Variants in EIF5AL1 observed in about 807,000 individuals in gnomAD.
The protein encoded by EIF5AL1 is eukaryotic translation initiation factor 5A-1-like.
In EIF5AL1, 4 loss-of-function variants were observed where a neutral mutation model predicts 9.0. That is an observed-to-expected ratio of 0.45 (90% CI 0.22 to 1.02). The LOEUF (loss-of-function observed/expected upper bound fraction) is 1.02. Among genes scored for constraint, EIF5AL1 ranks in the 50% least tolerant of loss-of-function variants. EIF5AL1 has a pLI of 0.24. For synonymous variants in EIF5AL1, 40 were observed against 75.7 expected (o/e 0.53, Z 2.45); for missense variants, 58 against 194.1 (o/e 0.30, Z 4.17).
In EIF5AL1 at chr10:79,512,542, G is replaced by A. The variant is rs1858161668; in HGVS notation, c.-108G>A. 2.0e-6 allele frequency: 2 copies of A among 1,020,956 alleles called. No homozygotes were observed. The highest frequency in any genetic ancestry group is 1.4e-5 in the South Asian group (1 of 71,548). The allele number at this position is 1,020,956 out of a possible 1,614,324, so 63.2% of individuals were successfully genotyped here. A position where few individuals can be genotyped will look rare whatever the true frequency, so the allele number is the denominator to read the frequency against. ...ACGTGTAAAATGCCTGGGTAGAGGC[G>A]GCGGCGGCGGCGGCGGCGGCGGGCT... On this transcript the variant is annotated 5_prime_UTR_variant, in exon 1 of 1. Transcript: ENST00000520547.
Position 79,516,337 on chromosome 10 carries a change from A to G in EIF5AL1, c.*3223A>G, listed in dbSNP as rs1858232695. 2 of 167,110 alleles carry G rather than the reference A, an allele frequency of 1.2e-5. No individual in the cohort carries two copies. The highest frequency in any genetic ancestry group is 2.4e-5 in the African/African-American group (1 of 41,444). The allele number at this position is 167,110 out of a possible 1,614,324, so 10.4% of individuals were successfully genotyped here. On this transcript the variant is annotated 3_prime_UTR_variant, in exon 1 of 1. Transcript: ENST00000520547. ...GTGCCTAGATATCTTCAGAACTTAT[A>G]TATTTTCTGTTTTCTACGTATGTTG... is the stretch of plus-strand genomic sequence containing the variant.
chr10:79,513,366 A>C lies in EIF5AL1; in HGVS notation c.*252A>C. The C allele has an allele frequency of 5.2e-6, 3 of 578,374 alleles. No individual in the cohort carries two copies. The highest frequency in any genetic ancestry group is 3.2e-6 in the Non-Finnish European group (1 of 316,862). 35.8% of individuals were successfully genotyped at this position (578,374 alleles called of 1,614,324 possible). On this transcript the variant is annotated 3_prime_UTR_variant, in exon 1 of 1. Transcript: ENST00000520547. The stretch of plus-strand genomic sequence containing the variant: ...TGCCCTCCTCTTCTCCCCTCACACT[A>C]CAGCCCTGGTGGGGGAGAAGGGGGT...
rs979664023 is a variant in EIF5AL1 at position 79,515,862 on chromosome 10, T to C, written c.*2748T>C. ...ATGAAATAACATCTTTAAAGTTCTG[T>C]GTAGAATGTTTTTTTTCTGATTTCT... On this transcript the variant is annotated 3_prime_UTR_variant, in exon 1 of 1. Coordinates refer to ENST00000520547, the MANE Select transcript of EIF5AL1 (RefSeq NM_001099692.2). 1.3e-5 allele frequency: 2 copies of C among 156,166 alleles called. No homozygotes were observed. The highest frequency in any genetic ancestry group is 5.5e-5 in the African/African-American group (2 of 36,474). 9.7% of individuals were successfully genotyped at this position (156,166 alleles called of 1,614,324 possible).
Position 79,515,870 on chromosome 10 carries a change from G to GC in EIF5AL1, c.*2756_*2757insC, listed in dbSNP as rs1554847600. 4.2e-5 allele frequency: 7 copies of GC among 166,474 alleles called. No individual in the cohort carries two copies. Among genetic ancestry groups the GC allele is most frequent in the African/African-American group, 1.5e-4 (6 of 41,280 alleles). The allele number at this position is 166,474 out of a possible 1,614,324, so 10.3% of individuals were successfully genotyped here. On this transcript the variant is annotated 3_prime_UTR_variant, in exon 1 of 1. Coordinates refer to ENST00000520547, the MANE Select transcript of EIF5AL1 (RefSeq NM_001099692.2). Reference sequence around the variant, plus strand: ...ACATCTTTAAAGTTCTGTGTAGAATGTTTTTTTTCTGATTTCTTCACATAC... The same window carrying GC: ...ACATCTTTAAAGTTCTGTGTAGAATGCTTTTTTTTCTGATTTCTTCACATAC...
Position 79,512,944 on chromosome 10 carries a change from C to A in EIF5AL1, c.295C>A (p.Leu99Ile), listed in dbSNP as rs1858172696. 1 of 1,613,746 alleles carries A rather than the reference C, an allele frequency of 6.2e-7. No homozygotes were observed. Among genetic ancestry groups the A allele is most frequent in the Admixed American group, 1.7e-5 (1 of 59,976 alleles). Residue 99 changes from leucine (L) to isoleucine (I), a missense_variant, in exon 1 of 1, where the codon CTA becomes ATA. Physicochemically the swap from Leu to Ile is conservative, Grantham distance 5 (BLOSUM62 2). Coordinates refer to ENST00000520547, the MANE Select transcript of EIF5AL1 (RefSeq NM_001099692.2). The stretch of plus-strand genomic sequence containing the variant: ...GCTGATTGGCATCCAGGATGGGTAC[C>A]TATCACTGCTCCAGGACAGCGGGGA... The part of the protein sequence containing the change: ...FQLIGIQDGY[L>I]SLLQDSGEVP...
rs1858213078 is a variant in EIF5AL1, at chr10:79,515,126, A to G, written c.*2012A>G. 3.9e-6 allele frequency: 1 copy of G among 259,232 alleles called. No individual in the cohort carries two copies. The highest frequency in any genetic ancestry group is 8.1e-6 in the Non-Finnish European group (1 of 124,218). The allele number at this position is 259,232 out of a possible 1,614,324, so 16.1% of individuals were successfully genotyped here. On this transcript the variant is annotated 3_prime_UTR_variant, in exon 1 of 1. Transcript: ENST00000520547. ...CATTTTAATTCCTGCAAAGGATAAA[A>G]TCCTTCTATTTGTGTGCATATAAGT...
rs1858221888 is a variant in EIF5AL1, at chr10:79,515,716, T to C, written c.*2602T>C. The C allele has an allele frequency of 6.0e-6, 1 of 167,146 alleles. No homozygotes were observed. The highest frequency in any genetic ancestry group is 6.5e-5 in the Admixed American group (1 of 15,282). The allele number at this position is 167,146 out of a possible 1,614,324, so 10.4% of individuals were successfully genotyped here. On this transcript the variant is annotated 3_prime_UTR_variant, in exon 1 of 1. Transcript: ENST00000520547. ...CTGAATTCCCACAAAGAATTCCATA[T>C]AGACTGCATATGAGTTGAATCTTCT...
chr10:79,513,578 T>C lies in EIF5AL1; in HGVS notation c.*464T>C, dbSNP rs1370524280. The C allele has an allele frequency of 5.1e-6, 1 of 194,770 alleles. No individual in the cohort carries two copies. The highest frequency in any genetic ancestry group is 2.4e-5 in the African/African-American group (1 of 41,912). 12.1% of individuals were successfully genotyped at this position (194,770 alleles called of 1,614,324 possible). A position where few individuals can be genotyped will look rare whatever the true frequency, so the allele number is the denominator to read the frequency against. On this transcript the variant is annotated 3_prime_UTR_variant, in exon 1 of 1. Transcript: ENST00000520547. ...GGACCAGCCCCCTCGCCTGCCTGTG[T>C]CTCTCCCCAAACCCCTTTAGATGGG... is the stretch of plus-strand genomic sequence containing the variant.
chr10:79,512,866 T>C lies in EIF5AL1; in HGVS notation c.217T>C (p.Cys73Arg). The change falls in exon 1 of 1, where the codon TGC becomes CGC. Residue 73 changes from cysteine (C) to arginine (R), a missense_variant. Cys to Arg is a radical substitution (Grantham distance 180). Transcript: ENST00000520547. ...IFTGKKYEDI[C>R]PSTHNMDVPN... Reference sequence around the variant, plus strand: ...TACTGGGAAGAAATATGAAGATATCTGCCCGTCAACTCATAATATGGATGT... The same window carrying C: ...TACTGGGAAGAAATATGAAGATATCCGCCCGTCAACTCATAATATGGATGT... 6.2e-7 allele frequency: 1 copy of C among 1,613,778 alleles called. No homozygotes were observed. The highest frequency in any genetic ancestry group is 8.5e-7 in the Non-Finnish European group (1 of 1,179,930).
In EIF5AL1 at chr10:79,514,998, C is replaced by T. The variant is rs1304057702; in HGVS notation, c.*1884C>T. On this transcript the variant is annotated 3_prime_UTR_variant, in exon 1 of 1. Coordinates refer to ENST00000520547, the MANE Select transcript of EIF5AL1 (RefSeq NM_001099692.2). ...TCTTCCTCGGCAGTCTTTCTTTGCC[C>T]AGAGATTTCGCAATGACTGTTGACC... 3.2e-5 allele frequency: 6 copies of T among 187,870 alleles called. No individual in the cohort carries two copies. Among genetic ancestry groups the T allele is most frequent in the African/African-American group, 1.4e-4 (6 of 41,490 alleles). The allele number at this position is 187,870 out of a possible 1,614,324, so 11.6% of individuals were successfully genotyped here. A position where few individuals can be genotyped will look rare whatever the true frequency, so the allele number is the denominator to read the frequency against.
Position 79,515,936 on chromosome 10 carries a change from A to G in EIF5AL1, c.*2822A>G, listed in dbSNP as rs965711753. 8 of 167,102 alleles carry G rather than the reference A, an allele frequency of 4.8e-5. No individual in the cohort carries two copies. Among genetic ancestry groups the G allele is most frequent in the Non-Finnish European group, 8.8e-5 (6 of 68,124 alleles). The allele number at this position is 167,102 out of a possible 1,614,324, so 10.4% of individuals were successfully genotyped here. ...CCAAAAAAACATGTACTAGGATTTCAATAGAAGCAATGGGTGATCTAAAAA... is the reference window on the plus strand; with the variant it reads ...CCAAAAAAACATGTACTAGGATTTCGATAGAAGCAATGGGTGATCTAAAAA... On this transcript the variant is annotated 3_prime_UTR_variant, in exon 1 of 1. Transcript: ENST00000520547.
In EIF5AL1 at chr10:79,516,097, A is replaced by G. The variant is rs919148556; in HGVS notation, c.*2983A>G. ...CAAAGAAAAACCATGAGGCATGAACATTTCATGGCAATCACGATGTCCTGG... is the reference window on the plus strand; with the variant it reads ...CAAAGAAAAACCATGAGGCATGAACGTTTCATGGCAATCACGATGTCCTGG... On this transcript the variant is annotated 3_prime_UTR_variant, in exon 1 of 1. Transcript: ENST00000520547. 7 of 167,122 alleles carry G rather than the reference A, an allele frequency of 4.2e-5. No individual in the cohort carries two copies. Among genetic ancestry groups the G allele is most frequent in the African/African-American group, 1.7e-4 (7 of 41,460 alleles). The allele number at this position is 167,122 out of a possible 1,614,324, so 10.4% of individuals were successfully genotyped here.
rs997228629 is a variant in EIF5AL1, at chr10:79,515,938, T to C, written c.*2824T>C. 8 of 166,954 alleles carry C rather than the reference T, an allele frequency of 4.8e-5. No individual in the cohort carries two copies. Among genetic ancestry groups the C allele is most frequent in the African/African-American group, 1.9e-4 (8 of 41,396 alleles). 10.3% of individuals were successfully genotyped at this position (166,954 alleles called of 1,614,324 possible). A position where few individuals can be genotyped will look rare whatever the true frequency, so the allele number is the denominator to read the frequency against. On this transcript the variant is annotated 3_prime_UTR_variant, in exon 1 of 1. Transcript: ENST00000520547. ...AAAAAAACATGTACTAGGATTTCAATAGAAGCAATGGGTGATCTAAAAAGA... is the reference window on the plus strand; with the variant it reads ...AAAAAAACATGTACTAGGATTTCAACAGAAGCAATGGGTGATCTAAAAAGA...
chr10:79,514,464 T>C lies in EIF5AL1; in HGVS notation c.*1350T>C. The C allele has an allele frequency of 6.0e-6, 1 of 167,032 alleles. No individual in the cohort carries two copies. The allele number at this position is 167,032 out of a possible 1,614,324, so 10.3% of individuals were successfully genotyped here. A position where few individuals can be genotyped will look rare whatever the true frequency, so the allele number is the denominator to read the frequency against. ...GAATAGAGGTGGACAGGAAACACCC[T>C]GACTTTTGTAGGGACTGAACCTCAC... On this transcript the variant is annotated 3_prime_UTR_variant, in exon 1 of 1. Transcript: ENST00000520547.
Position 79,515,476 on chromosome 10 carries a change from A to G in EIF5AL1, c.*2362A>G, listed in dbSNP as rs1298488481. On this transcript the variant is annotated 3_prime_UTR_variant, in exon 1 of 1. Transcript: ENST00000520547. Reference sequence around the variant, plus strand: ...GTAATTATCACGTTATACATTTTTTACCGCAGGTTAAAATGTTTCACAGGT... The same window carrying G: ...GTAATTATCACGTTATACATTTTTTGCCGCAGGTTAAAATGTTTCACAGGT... 5.9e-6 allele frequency: 1 copy of G among 168,510 alleles called. No individual in the cohort carries two copies. Among genetic ancestry groups the G allele is most frequent in the Non-Finnish European group, 1.4e-5 (1 of 69,108 alleles). 10.4% of individuals were successfully genotyped at this position (168,510 alleles called of 1,614,324 possible).
At position 79,512,636 on chromosome 10, in the gene EIF5AL1, C is replaced by T; in HGVS notation, c.-14C>T. 1 of 981,244 alleles carries T rather than the reference C, an allele frequency of 1.0e-6. No individual in the cohort carries two copies. The highest frequency in any genetic ancestry group is 1.5e-6 in the Non-Finnish European group (1 of 659,402). The allele number at this position is 981,244 out of a possible 1,614,324, so 60.8% of individuals were successfully genotyped here. On this transcript the variant is annotated 5_prime_UTR_variant, in exon 1 of 1. Transcript: ENST00000520547. ...CAGTGCCGTTTGCGCCAGTTGGAAT[C>T]GAAGCCTCTTAAAATGGCAGATGAT...
Position 79,515,211 on chromosome 10 carries a change from G to C in EIF5AL1, c.*2097G>C, listed in dbSNP as rs1043711855. ...AAGGGGAGAAACCTGAGGGCCAGAA[G>C]CTGTTCTTTCCCTTAAAAGGGCAAA... On this transcript the variant is annotated 3_prime_UTR_variant, in exon 1 of 1. Coordinates refer to ENST00000520547, the MANE Select transcript of EIF5AL1 (RefSeq NM_001099692.2). The C allele has an allele frequency of 2.6e-6, 1 of 386,444 alleles. No homozygotes were observed. Among genetic ancestry groups the C allele is most frequent in the Middle Eastern group, 9.2e-4 (1 of 1,086 alleles). The allele number at this position is 386,444 out of a possible 1,614,324, so 23.9% of individuals were successfully genotyped here. A position where few individuals can be genotyped will look rare whatever the true frequency, so the allele number is the denominator to read the frequency against.
At position 79,515,371 on chromosome 10, in the gene EIF5AL1, A is replaced by C. The variant is rs1451417425; in HGVS notation, c.*2257A>C. On this transcript the variant is annotated 3_prime_UTR_variant, in exon 1 of 1. Coordinates refer to ENST00000520547, the MANE Select transcript of EIF5AL1 (RefSeq NM_001099692.2). ...GACTGTAAGACAGACTTGAGATAAG[A>C]CATCTAGAAAACAATAATTGAACAA... is the stretch of plus-strand genomic sequence containing the variant. 1 of 184,390 alleles carries C rather than the reference A, an allele frequency of 5.4e-6. No individual in the cohort carries two copies. Among genetic ancestry groups the C allele is most frequent in the Admixed American group, 5.9e-5 (1 of 16,910 alleles). The allele number at this position is 184,390 out of a possible 1,614,324, so 11.4% of individuals were successfully genotyped here.
chr10:79,515,693 G>A lies in EIF5AL1; in HGVS notation c.*2579G>A, dbSNP rs1369717507. Reference sequence around the variant, plus strand: ...ACACAAAACATTCTCAGTAATGACTGAATTCCCACAAAGAATTCCATATAG... The same window carrying A: ...ACACAAAACATTCTCAGTAATGACTAAATTCCCACAAAGAATTCCATATAG... On this transcript the variant is annotated 3_prime_UTR_variant, in exon 1 of 1. Transcript: ENST00000520547. 6.0e-6 allele frequency: 1 copy of A among 167,062 alleles called. No homozygotes were observed. The highest frequency in any genetic ancestry group is 1.5e-5 in the Non-Finnish European group (1 of 68,150). The allele number at this position is 167,062 out of a possible 1,614,324, so 10.3% of individuals were successfully genotyped here.
Sources: allele counts gnomAD v4.1 joint callset, GRCh38; gene constraint gnomAD v4.1.1; transcripts MANE v1.5; gene names NCBI Gene and HGNC (gene_info 2026-07-23, HGNC 2026-07-21).